Variants in CCDC61 observed in about 807,000 individuals in gnomAD.
CCDC61 encodes centrosomal protein CCDC61.
A neutral mutation model predicts 63.0 loss-of-function variants in CCDC61; 55 were observed. The observed-to-expected ratio is 0.87, with a 90% CI of 0.70 to 1.09. The LOEUF is 1.09. Ranked by LOEUF, CCDC61 falls within the 50% of genes least tolerant of loss-of-function variation. CCDC61 has a pLI of 0.00. For synonymous variants in CCDC61, 270 were observed against 317.0 expected, an observed-to-expected ratio of 0.85 and a Z score of 1.58; for missense variants, 651 against 731.4, an observed-to-expected ratio of 0.89 and a Z score of 1.27.
intron 5 of CCDC61, among the ~76,000 whole-genome samples, chr19:46,013,640 G>A (rs879340848): frequency 2.0e-5 from 3 of 151,922 alleles, no homozygotes; most frequent in Non-Finnish European, 4.4e-5. Flanking sequence ...AGGCTGAGGC[G>A]GGCAGATCAT....
Position 46,016,594 on chromosome 19 carries a change from C to A in CCDC61, c.1092-100C>A. ...CTTTCCGCTCGTAGGCCTGTCACCT[C>A]AGGCTTTCGCTGGCGTGGCTGTGAC... On this transcript the variant is annotated intron_variant, in intron 9 of 13. Coordinates refer to ENST00000595358, the MANE Select transcript of CCDC61 (RefSeq NM_001267723.2). The surrounding 1 kb of genome is among the most constrained non-coding windows in gnomAD (Gnocchi z 7.2). The A allele has an allele frequency of 6.5e-7, 1 of 1,536,578 alleles. No individual in the cohort carries two copies. Among genetic ancestry groups the A allele is most frequent in the Non-Finnish European group, 8.8e-7 (1 of 1,134,280 alleles).
intron 5 of CCDC61, among the ~76,000 whole-genome samples, chr19:46,014,293 T>G (rs1240543273): frequency 6.6e-6 from 1 of 152,170 alleles, no homozygotes; most frequent in African/African-American, 2.4e-5. Context: ...TAATCCTTTT[T>G]TCCCCCATAG....
chr19:46,007,039 C>T (rs1414830149), intron 4 of CCDC61, among the ~76,000 whole-genome samples: 12 of 144,224 alleles, frequency 8.3e-5, no homozygotes, highest in East Asian at 2.0e-4. Flanking sequence ...CTTTTACTGT[C>T]GTTAATGTGT....
At chr19:46,006,439 C>T (rs1968710877) in intron 3 of CCDC61, 120 bp from the exon 4 acceptor site, 4 of 927,850 alleles carry the variant, frequency 4.3e-6, no homozygotes, top group Admixed American at 3.0e-5. Flanking sequence ...TGCCAGCCTT[C>T]GCGTAGGAAA....
chr19:46,008,756 AGTG>A (rs1968767771), intron 5 of CCDC61, among the ~76,000 whole-genome samples: 1 of 152,088 alleles, frequency 6.6e-6, no homozygotes, highest in Non-Finnish European at 1.5e-5. Context: ...CTGGGGACAT[AGTG>A]GTGACCAAGA....
At chr19:46,010,343 G>C (rs537169296) in intron 5 of CCDC61, among the ~76,000 whole-genome samples, 146 of 152,230 alleles carry the variant, frequency 9.6e-4, no homozygotes, top group Non-Finnish European at 1.5e-3. Flanking sequence ...GACAGGTGGA[G>C]GCTCTGCCCC....
At chr19:46,005,135 C>T (rs932594191) in intron 3 of CCDC61, among the ~76,000 whole-genome samples, 35 of 152,184 alleles carry the variant, frequency 2.3e-4, no homozygotes, top group African/African-American at 7.0e-4. Context: ...TTCAGCCTCC[C>T]GAGTAGCTGG....
intron 5 of CCDC61, among the ~76,000 whole-genome samples, chr19:46,009,868 TGTGTGTGTTTCTAGGTTTGTGTTTCTGG>T (rs1568692992): frequency 5.3e-5 from 8 of 152,022 alleles, no homozygotes; most frequent in African/African-American, 9.7e-5. Context: ...TCAGGCTGTG[TGTGTGTGTTTCTAGGTTTGTGTTTCTGG>T]GTGTGTGTTT....
intron 1 of CCDC61, among the ~76,000 whole-genome samples, chr19:46,002,604 G>A (rs1968612095): frequency 6.6e-6 from 1 of 151,518 alleles, no homozygotes; most frequent in Admixed American, 6.6e-5. Flanking sequence ...TTTAGTAGAG[G>A]TGGGGTTTCA....
Position 46,017,761 on chromosome 19 carries a change from G to A in CCDC61, c.1369-317G>A, listed in dbSNP as rs76932790. Reference sequence around the variant, plus strand: ...TGAGGGGCACGTGATGCTCTTTAGGGCTTTGGCTTCTGACTGTCAGGTCTT... The same window carrying A: ...TGAGGGGCACGTGATGCTCTTTAGGACTTTGGCTTCTGACTGTCAGGTCTT... On this transcript the variant is annotated intron_variant, in intron 12 of 13. Coordinates refer to ENST00000595358, the MANE Select transcript of CCDC61 (RefSeq NM_001267723.2). Among the ~76,000 whole-genome samples, 3 of 152,270 alleles carry A rather than the reference G, an allele frequency of 2.0e-5. No homozygotes were observed. In the East Asian group the frequency reaches 5.8e-4, roughly 29 times the overall value.
chr19:46,018,497 C>A lies in CCDC61; in HGVS notation c.*110C>A. 1.2e-6 allele frequency: 1 copy of A among 803,908 alleles called. No individual in the cohort carries two copies. The highest frequency in any genetic ancestry group is 2.0e-6 in the Non-Finnish European group (1 of 497,584). 49.8% of individuals were successfully genotyped at this position (803,908 alleles called of 1,614,324 possible). ...TGCCCAGTCCCTGCCCTGGCCCCGTCCCTCCTGCTGCCCCTGGGGTCTCAG... is the reference window on the plus strand; with the variant it reads ...TGCCCAGTCCCTGCCCTGGCCCCGTACCTCCTGCTGCCCCTGGGGTCTCAG... On this transcript the variant is annotated 3_prime_UTR_variant, in exon 14 of 14. Transcript: ENST00000595358. The surrounding 1 kb of genome is among the most constrained non-coding windows in gnomAD (Gnocchi z 4.2).
chr19:45,998,016 A>T (rs1968525893), intron 1 of CCDC61, among the ~76,000 whole-genome samples: 1 of 152,176 alleles, frequency 6.6e-6, no homozygotes, highest in Non-Finnish European at 1.5e-5. Context: ...GTTTATATCC[A>T]CTGGGCTTCT....
chr19:46,017,139 A>C, intron 11 of CCDC61, 70 bp downstream of exon 11: 1 of 1,554,136 alleles, frequency 6.4e-7, no homozygotes, highest in Non-Finnish European at 8.8e-7. Flanking sequence ...AGTCTTTTGC[A>C]GGGAAATTGG....
At chr19:46,005,044 T>TG (rs1283587752) in intron 3 of CCDC61, among the ~76,000 whole-genome samples, 1 of 151,906 alleles carries the variant, frequency 6.6e-6, no homozygotes, top group East Asian at 1.9e-4. Flanking sequence ...AGATACTATC[T>TG]GTGTAGCCCA....
At position 46,015,102 on chromosome 19, in the gene CCDC61, C is replaced by T. The variant is rs1968899301; in HGVS notation, c.605C>T (p.Ser202Leu). Residue 202 changes from serine (S) to leucine (L), a missense_variant, in exon 6 of 14, where the codon TCG becomes TTG. By Grantham distance (145) the Ser-to-Leu change is moderately radical (BLOSUM62 -2). Coordinates refer to ENST00000595358, the MANE Select transcript of CCDC61 (RefSeq NM_001267723.2). This position sits in a 1 kb window ranked among gnomAD's most constrained non-coding sequence, Gnocchi z 5.3. ...KRELEAQLGR[S>L]REEALAGRAA... is the part of the protein sequence containing the mutation. Reference sequence around the variant, plus strand: ...GAGCTGGAGGCGCAGCTGGGCCGATCGCGCGAGGAGGCGCTGGCCGGGCGC... The same window carrying T: ...GAGCTGGAGGCGCAGCTGGGCCGATTGCGCGAGGAGGCGCTGGCCGGGCGC... 1.5e-6 allele frequency: 2 copies of T among 1,367,976 alleles called. No individual in the cohort carries two copies. The highest frequency in any genetic ancestry group is 3.1e-5 in the East Asian group (1 of 32,398). 84.7% of individuals were successfully genotyped at this position (1,367,976 alleles called of 1,614,324 possible).
chr19:46,012,383 C>T (rs1010443146), intron 5 of CCDC61, among the ~76,000 whole-genome samples: 4 of 152,230 alleles, frequency 2.6e-5, no homozygotes, highest in African/African-American at 4.8e-5. Flanking sequence ...CAGTGGCTCA[C>T]GCCTATAATC....
At position 46,018,396 on chromosome 19, in the gene CCDC61, A is replaced by AG; in HGVS notation, c.*13dup. ...TGGACATGCGGTCATAACGTGGAGA[A>AG]GGGGTACTACCCCTCCATCCCCCAC... On this transcript the variant is annotated 3_prime_UTR_variant, in exon 14 of 14. Transcript: ENST00000595358. This position sits in a 1 kb window ranked among gnomAD's most constrained non-coding sequence, Gnocchi z 4.2. 6.4e-7 allele frequency: 1 copy of AG among 1,556,568 alleles called. No homozygotes were observed. The highest frequency in any genetic ancestry group is 8.7e-7 in the Non-Finnish European group (1 of 1,149,476).
At chr19:46,005,772 A>G (rs1222943735) in intron 3 of CCDC61, among the ~76,000 whole-genome samples, 2 of 151,324 alleles carry the variant, frequency 1.3e-5, no homozygotes, top group African/African-American at 2.4e-5. Flanking sequence ...CTAAATAACC[A>G]TAGTTTTGTC....
At position 46,016,382 on chromosome 19, in the gene CCDC61, G is replaced by A; in HGVS notation, c.1080G>A (p.Glu360=). 1 of 1,613,868 alleles carries A rather than the reference G, an allele frequency of 6.2e-7. No homozygotes were observed. The highest frequency in any genetic ancestry group is 8.5e-7 in the Non-Finnish European group (1 of 1,179,866). The part of the protein sequence containing the change: ...FVKAKERKQR[E]IQMKQQQRNR... The stretch of plus-strand genomic sequence containing the variant: ...AAGCCAAGGAAAGGAAGCAGAGAGA[G>A]ATCCAGATGAAGTCAGTGCCCCTTC... Residue 360 remains glutamate, a synonymous_variant, in exon 9 of 14, where the codon GAG becomes GAA. Transcript: ENST00000595358. This position sits in a 1 kb window ranked among gnomAD's most constrained non-coding sequence, Gnocchi z 7.2.
Sources: gnomAD v4.1 joint callset for allele counts (sites outside exome capture counted in the v4.1 genomes callset) on GRCh38, gnomAD v4.1.1 for gene constraint, Gnocchi (gnomAD v3.1) non-coding constraint, MANE v1.5 for transcripts, NCBI Gene and HGNC (gene_info 2026-07-23, HGNC 2026-07-21) for gene names.